PTPRG: variants seen among roughly 807,000 people sequenced by gnomAD.
PTPRG encodes the protein protein tyrosine phosphatase receptor type G.
In PTPRG, 102 loss-of-function variants were observed where a neutral mutation model predicts 165.3. The observed-to-expected ratio is 0.62, with a 90% CI of 0.53 to 0.73. The LOEUF (loss-of-function observed/expected upper bound fraction) is 0.73. Among genes scored for constraint, PTPRG ranks in the 30% least tolerant of loss-of-function variants. The pLI is 0.00. For synonymous variants in PTPRG, 675 were observed against 669.5 expected, an observed-to-expected ratio of 1.01 and a Z score of -0.13; for missense variants, 1,866 against 1,861.4, an observed-to-expected ratio of 1.00 and a Z score of -0.05.
intron 4 of PTPRG, among the ~76,000 whole-genome samples, chr3:62,017,418 AT>A (rs11287319): frequency 0.79 from 107,480 of 136,836 alleles, 42,025 homozygotes; most frequent in East Asian, 0.9. Context: ...TCAGAAAATG[AT>A]TTTTTTTTTT....
intron 3 of PTPRG, among the ~76,000 whole-genome samples, chr3:62,001,813 C>A (rs2041177677): frequency 6.6e-6 from 1 of 152,098 alleles, no homozygotes; most frequent in African/African-American, 2.4e-5. Context: ...CTCACCCATT[C>A]ATTTAAGTAT....
chr3:61,665,897 G>A (rs1702800671), intron 1 of PTPRG, among the ~76,000 whole-genome samples: 1 of 152,072 alleles, frequency 6.6e-6, no homozygotes, highest in Non-Finnish European at 1.5e-5. Flanking sequence ...GGAATTTTAT[G>A]TATGAATTTG....
At chr3:61,929,905 T>C (rs2039316822) in intron 2 of PTPRG, among the ~76,000 whole-genome samples, 1 of 152,228 alleles carries the variant, frequency 6.6e-6, no homozygotes, top group Non-Finnish European at 1.5e-5. Context: ...TGGATAACAG[T>C]TTAGACTAAA....
At position 62,273,871 on chromosome 3, in the gene PTPRG, C is replaced by A. The variant is rs1396052276; in HGVS notation, c.3465+27C>A. On this transcript the variant is annotated intron_variant, in intron 23 of 29. Coordinates refer to ENST00000474889, the MANE Select transcript of PTPRG (RefSeq NM_002841.4). The surrounding 1 kb of genome is among the most constrained non-coding windows in gnomAD (Gnocchi z 4.1). The stretch of plus-strand genomic sequence containing the variant: ...TAGTGCTTTGAAAAAGTTTCTTTGG[C>A]ATAAAGCAAGAAAATGTTTTAAATG... 1.6e-5 allele frequency: 26 copies of A among 1,607,716 alleles called. No homozygotes were observed. Among genetic ancestry groups the A allele is most frequent in the Non-Finnish European group, 2.2e-5 (26 of 1,175,618 alleles).
chr3:62,279,857 A>G (rs1271316720), intron 26 of PTPRG, among the ~76,000 whole-genome samples: 1 of 152,068 alleles, frequency 6.6e-6, no homozygotes, highest in African/African-American at 2.4e-5. Flanking sequence ...TCTGACTTCA[A>G]TGATAGTAGC....
chr3:61,688,455 T>C (rs1310245158), intron 1 of PTPRG, among the ~76,000 whole-genome samples: 1 of 151,994 alleles, frequency 6.6e-6, no homozygotes, highest in Non-Finnish European at 1.5e-5. Context: ...CCTCCATCTT[T>C]CCAGAGACTC....
chr3:61,882,319 G>C (rs1169117617), intron 2 of PTPRG, among the ~76,000 whole-genome samples: 1 of 152,186 alleles, frequency 6.6e-6, no homozygotes, highest in Non-Finnish European at 1.5e-5. Flanking sequence ...TTGCTAAAAG[G>C]CTAGGTTTGT....
intron 15 of PTPRG, among the ~76,000 whole-genome samples, chr3:62,250,249 A>G (rs1701381081): frequency 6.6e-6 from 1 of 152,232 alleles, no homozygotes; most frequent in African/African-American, 2.4e-5. Context: ...AAAGGGAATC[A>G]GAGAAGTGGA....
At chr3:61,998,277 T>C (rs1575867982) in intron 3 of PTPRG, among the ~76,000 whole-genome samples, 1 of 152,186 alleles carries the variant, frequency 6.6e-6, no homozygotes, top group Non-Finnish European at 1.5e-5. Context: ...CTGGAGCGTC[T>C]TTACATCATG....
At chr3:61,776,206 C>T (rs1192977740) in intron 2 of PTPRG, among the ~76,000 whole-genome samples, 1 of 151,780 alleles carries the variant, frequency 6.6e-6, no homozygotes, top group Non-Finnish European at 1.5e-5. Context: ...TGAGTGGGAG[C>T]GTAAAGAATA....
At chr3:62,078,845 G>T (rs992520500) in intron 5 of PTPRG, among the ~76,000 whole-genome samples, 1 of 152,166 alleles carries the variant, frequency 6.6e-6, no homozygotes, top group African/African-American at 2.4e-5. Flanking sequence ...TGCATCCTGT[G>T]ATAAAATAAT....
chr3:61,593,239 G>T (rs1314732123), intron 1 of PTPRG, among the ~76,000 whole-genome samples: 1 of 151,976 alleles, frequency 6.6e-6, no homozygotes, highest in Non-Finnish European at 1.5e-5. Context: ...ATACACACTG[G>T]GCACCTCCAT....
At chr3:61,642,022 T>G (rs1028061690) in intron 1 of PTPRG, among the ~76,000 whole-genome samples, 9 of 152,328 alleles carry the variant, frequency 5.9e-5, no homozygotes, top group African/African-American at 1.9e-4. Flanking sequence ...CTGGTGCCGT[T>G]GCCCGCAAGG....
intron 10 of PTPRG, among the ~76,000 whole-genome samples, chr3:62,196,024 G>A (rs1309415933): frequency 3.3e-5 from 5 of 151,860 alleles, no homozygotes; most frequent in African/African-American, 9.7e-5. Context: ...TCCTGACTTC[G>A]TGATCTGCCT....
intron 3 of PTPRG, among the ~76,000 whole-genome samples, chr3:61,990,439 CT>C (rs2040857245): frequency 6.6e-6 from 1 of 152,222 alleles, no homozygotes; most frequent in South Asian, 2.1e-4. Flanking sequence ...CAATTCAATT[CT>C]TCCACTTGTC....
Position 61,907,506 on chromosome 3 carries a change from T to C in PTPRG, c.191-82119T>C, listed in dbSNP as rs910568397. On this transcript the variant is annotated intron_variant, in intron 2 of 29. Transcript: ENST00000474889. ...TCTTTGACATCCTTGAATAAAAGTG[T>C]GTTTTTATGGAAGGTCCTTTTATGA... Among the ~76,000 whole-genome samples, 3 of 152,214 alleles carry C rather than the reference T, an allele frequency of 2.0e-5. No homozygotes were observed. The East Asian group carries it at 5.8e-4, about 29-fold the overall frequency.
intron 1 of PTPRG, among the ~76,000 whole-genome samples, chr3:61,682,220 G>A (rs1703470430): frequency 6.7e-6 from 1 of 149,668 alleles, no homozygotes; most frequent in Non-Finnish European, 1.5e-5. Context: ...CTGCAAACAT[G>A]GACTATAAGT....
intron 5 of PTPRG, among the ~76,000 whole-genome samples, chr3:62,107,060 C>G (rs527588013): frequency 6.6e-6 from 1 of 152,310 alleles, no homozygotes; most frequent in Admixed American, 6.5e-5. Flanking sequence ...TCTCTCTCAC[C>G]TGTAAGTTAG....
chr3:61,929,789 T>C (rs2039314265), intron 2 of PTPRG, among the ~76,000 whole-genome samples: 1 of 152,230 alleles, frequency 6.6e-6, no homozygotes, highest in African/African-American at 2.4e-5. Context: ...CTTTCTAACG[T>C]GTCAGCCTTT....
Sources: allele counts gnomAD v4.1 joint callset (sites outside exome capture counted in the v4.1 genomes callset), GRCh38; gene constraint gnomAD v4.1.1; non-coding constraint Gnocchi (gnomAD v3.1); transcripts MANE v1.5; gene names NCBI Gene and HGNC (gene_info 2026-07-23, HGNC 2026-07-21).